The following PARPBP variants were observed in gnomAD, a reference collection of about 807,000 sequenced individuals.
PARPBP encodes PCNA-interacting partner.
In PARPBP, 52 loss-of-function variants were observed where a neutral mutation model predicts 50.0. That is an observed-to-expected ratio of 1.04 (90% confidence interval 0.83 to 1.31). The LOEUF (loss-of-function observed/expected upper bound fraction) is 1.31, where lower values mean the gene tolerates loss of function less well. PARPBP is among the 50% of genes most tolerant of loss of function. The pLI is 0.00. For missense variants in PARPBP, 697 were observed against 672.0 expected (o/e 1.04, Z -0.41); for synonymous variants, 244 against 232.1 (o/e 1.05, Z -0.47).
intron 9 of PARPBP, among the ~76,000 whole-genome samples, chr12:102,189,557 T>A (rs1890611144): frequency 6.6e-6 from 1 of 152,184 alleles, no homozygotes. Context: ...AAGATACACT[T>A]AAATGCAATA....
intron 2 of PARPBP, among the ~76,000 whole-genome samples, chr12:102,137,029 A>G (rs1883743292): frequency 6.6e-6 from 1 of 152,014 alleles, no homozygotes; most frequent in Non-Finnish European, 1.5e-5. Context: ...ATCTCCGCTC[A>G]CTGTAAACTC....
At chr12:102,165,678 A>T in intron 5 of PARPBP, 51 bp from the exon 6 acceptor site, 1 of 1,391,616 alleles carries the variant, frequency 7.2e-7, no homozygotes, top group Non-Finnish European at 1.0e-6. Context: ...GAAGTAAATT[A>T]CAGTTTAATA....
intron 4 of PARPBP, among the ~76,000 whole-genome samples, chr12:102,163,200 T>C (rs185403808): frequency 2.0e-4 from 30 of 152,384 alleles, no homozygotes; most frequent in Admixed American, 8.5e-4. Flanking sequence ...TTCTGTTCCA[T>C]TGAGCTGAGT....
At chr12:102,182,836 A>G (rs1168587942) in intron 9 of PARPBP, among the ~76,000 whole-genome samples, 1 of 152,150 alleles carries the variant, frequency 6.6e-6, no homozygotes, top group Non-Finnish European at 1.5e-5. Context: ...TGCTTAATCC[A>G]CTGGACCTAA....
chr12:102,150,318 T>C, intron 3 of PARPBP: 1 of 453,564 alleles, frequency 2.2e-6, no homozygotes, highest in South Asian at 1.6e-5. Context: ...CTAGATTGAT[T>C]TCTCAAAAAT....
Position 102,196,778 on chromosome 12 carries a change from AT to A in PARPBP, c.*488del, listed in dbSNP as rs1891348792. Reference sequence around the variant, plus strand: ...AAATTTATTAAGAAAAAAAGAATGGATCTAGTATAACTAATTCTGAGTAAAC... The same window carrying A: ...AAATTTATTAAGAAAAAAAGAATGGACTAGTATAACTAATTCTGAGTAAAC... On this transcript the variant is annotated 3_prime_UTR_variant, in exon 11 of 11. Transcript: ENST00000327680. 1 of 1,214,736 alleles carries A rather than the reference AT, an allele frequency of 8.2e-7. No homozygotes were observed. The highest frequency in any genetic ancestry group is 1.5e-5 in the African/African-American group (1 of 66,438). 75.2% of individuals were successfully genotyped at this position (1,214,736 alleles called of 1,614,324 possible).
chr12:102,130,572 A>G (rs370100681), intron 2 of PARPBP, among the ~76,000 whole-genome samples: 52 of 152,244 alleles, frequency 3.4e-4, no homozygotes, highest in African/African-American at 1.0e-3. Context: ...GTAGGCAAAA[A>G]GCTGGGCATG....
chr12:102,121,545 C>CT (rs35855638), intron 1 of PARPBP, among the ~76,000 whole-genome samples: 13,568 of 87,120 alleles, frequency 0.16, 2,051 homozygotes, highest in Non-Finnish European at 0.19. Flanking sequence ...TAGTAATGCT[C>CT]TTTTTTTTTT....
At chr12:102,163,025 T>A (rs1483323379) in intron 4 of PARPBP, among the ~76,000 whole-genome samples, 1 of 152,198 alleles carries the variant, frequency 6.6e-6, no homozygotes, top group East Asian at 1.9e-4. Flanking sequence ...GAGTTTACTT[T>A]TATAAAAGGT....
At chr12:102,170,209 T>G (rs1443260226) in intron 6 of PARPBP, among the ~76,000 whole-genome samples, 1 of 152,252 alleles carries the variant, frequency 6.6e-6, no homozygotes, top group Non-Finnish European at 1.5e-5. Flanking sequence ...GTTCAGAAGT[T>G]GAAAATTCTG....
intron 7 of PARPBP, among the ~76,000 whole-genome samples, chr12:102,175,924 C>T (rs2136669338): frequency 6.6e-6 from 1 of 151,720 alleles, no homozygotes; most frequent in East Asian, 1.9e-4. Context: ...CCTTTTAGTA[C>T]TAAAAACTTA....
chr12:102,178,900 G>C, intron 8 of PARPBP, 130 bp downstream of exon 8: 6 of 561,400 alleles, frequency 1.1e-5, no homozygotes, highest in Non-Finnish European at 1.8e-5. Flanking sequence ...TTAATTAAAG[G>C]GAGATTGAAC....
intron 2 of PARPBP, among the ~76,000 whole-genome samples, chr12:102,145,082 G>A (rs1885169900): frequency 6.6e-6 from 1 of 152,082 alleles, no homozygotes; most frequent in Admixed American, 6.5e-5. Flanking sequence ...TGGACACTTA[G>A]TCTTAAATGT....
rs368783646 is a variant in PARPBP at position 102,195,491 on chromosome 12, G to T, written c.1399+44G>T. ...GCAATTAAATAACAATTTAATTCTAGTCTACTAATTAGTTTTAACTTAAGT... is the reference window on the plus strand; with the variant it reads ...GCAATTAAATAACAATTTAATTCTATTCTACTAATTAGTTTTAACTTAAGT... On this transcript the variant is annotated intron_variant, in intron 10 of 10. Transcript: ENST00000327680. The T allele has an allele frequency of 6.3e-6, 9 of 1,438,674 alleles. No individual in the cohort carries two copies. In the African/African-American group the frequency reaches 1.3e-4, roughly 21 times the overall value. 89.1% of individuals were successfully genotyped at this position (1,438,674 alleles called of 1,614,324 possible).
At chr12:102,134,851 AT>A (rs796731324) in intron 2 of PARPBP, among the ~76,000 whole-genome samples, 51 of 151,784 alleles carry the variant, frequency 3.4e-4, no homozygotes, top group African/African-American at 1.0e-3. Context: ...TAATTCTTTT[AT>A]TTTTTTATAG....
At chr12:102,149,195 G>A (rs1197693969) in intron 3 of PARPBP, among the ~76,000 whole-genome samples, 1 of 152,136 alleles carries the variant, frequency 6.6e-6, no homozygotes, top group Non-Finnish European at 1.5e-5. Context: ...GCTATATTTT[G>A]TAAGATAATC....
At chr12:102,141,610 G>T (rs1387843512) in intron 2 of PARPBP, among the ~76,000 whole-genome samples, 1 of 152,118 alleles carries the variant, frequency 6.6e-6, no homozygotes, top group African/African-American at 2.4e-5. Flanking sequence ...GCATGTTTTT[G>T]CAGTGGCTGG....
chr12:102,189,471 G>T (rs1367033946), intron 9 of PARPBP, among the ~76,000 whole-genome samples: 1 of 152,194 alleles, frequency 6.6e-6, no homozygotes, highest in Admixed American at 6.5e-5. Flanking sequence ...GAAGAACGGG[G>T]TTTTAAATTT....
intron 3 of PARPBP, among the ~76,000 whole-genome samples, chr12:102,153,524 C>T (rs1465655284): frequency 6.6e-6 from 1 of 152,156 alleles, no homozygotes; most frequent in Admixed American, 6.5e-5. Context: ...GCATCTTTCG[C>T]AGAGACAGAG....
Sources: gnomAD v4.1 joint callset for allele counts (sites outside exome capture counted in the v4.1 genomes callset) on GRCh38, gnomAD v4.1.1 for gene constraint, MANE v1.5 for transcripts, NCBI Gene and HGNC (gene_info 2026-07-23, HGNC 2026-07-21) for gene names.